The following CTNND2 variants were observed in gnomAD, a reference collection of about 807,000 sequenced individuals.
CTNND2 encodes catenin delta 2.
A neutral mutation model predicts 144.4 loss-of-function variants in CTNND2; 22 were observed. That is an observed-to-expected ratio of 0.15 (90% CI 0.11 to 0.22). CTNND2 has a LOEUF of 0.22. Ranked by LOEUF, CTNND2 falls within the 10% of genes least tolerant of loss-of-function variation. CTNND2 has a pLI of 1.00. For synonymous variants in CTNND2, 751 were observed against 695.6 expected, an observed-to-expected ratio of 1.08 and a Z score of -1.25; for missense variants, 1,353 against 1,618.8, an observed-to-expected ratio of 0.84 and a Z score of 2.82.
intron 20 of CTNND2, among the ~76,000 whole-genome samples, chr5:10,983,112 A>G (rs1012009452): frequency 1.7e-4 from 26 of 152,214 alleles, no homozygotes; most frequent in African/African-American, 5.8e-4. Context: ...ACCATAATTC[A>G]CAGTAATTTA....
chr5:11,116,798 C>T (rs1753589537), intron 13 of CTNND2, among the ~76,000 whole-genome samples: 1 of 152,118 alleles, frequency 6.6e-6, no homozygotes, highest in Non-Finnish European at 1.5e-5. Context: ...TGGCTCATGC[C>T]TGTAATCCCA....
At chr5:11,514,925 G>C (rs1772022784) in intron 3 of CTNND2, among the ~76,000 whole-genome samples, 2 of 152,076 alleles carry the variant, frequency 1.3e-5, no homozygotes, top group Non-Finnish European at 2.9e-5. Flanking sequence ...TCAGCCTCTT[G>C]AGTAGCTGGG....
Position 11,025,240 on chromosome 5 carries a change from C to T in CTNND2, c.2789-2261G>A, listed in dbSNP as rs58297836. Among the ~76,000 whole-genome samples the T allele has an allele frequency of 8.9e-3, 1,358 of 152,198 alleles. 22 individuals are homozygous for T. The highest frequency in any genetic ancestry group is 0.031 in the African/African-American group (1,289 of 41,522). On this transcript the variant is annotated intron_variant, in intron 16 of 21. Transcript: ENST00000304623. ...TATTATTCCACGGAGAAGAAAACCT[C>T]GGGGCAGTTTGTTAATTATTTTAAA...
chr5:10,973,220 G>A lies in CTNND2; in HGVS notation c.*233C>T. 4.1e-6 allele frequency: 2 copies of A among 482,932 alleles called. No individual in the cohort carries two copies. The highest frequency in any genetic ancestry group is 3.9e-5 in the Admixed American group (1 of 25,790). 29.9% of individuals were successfully genotyped at this position (482,932 alleles called of 1,614,324 possible). A position where few individuals can be genotyped will look rare whatever the true frequency, so the allele number is the denominator to read the frequency against. On this transcript the variant is annotated 3_prime_UTR_variant, in exon 22 of 22. Transcript: ENST00000304623. This position sits in a 1 kb window ranked among gnomAD's most constrained non-coding sequence, Gnocchi z 5.6. ...ACTCTACAGCTCACGCTAGAAAGGT[G>A]CTGCCCACTGTCATATTTAGGATCA...
chr5:11,283,420 A>C (rs567342911), intron 9 of CTNND2, among the ~76,000 whole-genome samples: 1 of 152,204 alleles, frequency 6.6e-6, no homozygotes, highest in East Asian at 1.9e-4. Context: ...TCACACCTGT[A>C]ATCTCAGCAC....
In CTNND2 at chr5:11,234,019, T is replaced by C. The variant is rs563118178; in HGVS notation, c.1761+2672A>G. ...GGAAGTGTTTGCAGCCTTTAGAAGGTAGCATGGAGGGCTGCCATCAATAAC... is the reference window on the plus strand; with the variant it reads ...GGAAGTGTTTGCAGCCTTTAGAAGGCAGCATGGAGGGCTGCCATCAATAAC... On this transcript the variant is annotated intron_variant, in intron 10 of 21. Transcript: ENST00000304623. Among the ~76,000 whole-genome samples, 20 of 152,126 alleles carry C rather than the reference T, an allele frequency of 1.3e-4. No individual in the cohort carries two copies. In the East Asian group the frequency reaches 3.7e-3, roughly 28 times the overall value.
chr5:11,032,207 A>G (rs1055229321), intron 16 of CTNND2, among the ~76,000 whole-genome samples: 3 of 152,200 alleles, frequency 2.0e-5, no homozygotes, highest in Admixed American at 6.5e-5. Flanking sequence ...CTTTTCATCA[A>G]TAATTGATGA....
At position 11,204,795 on chromosome 5, in the gene CTNND2, C is replaced by T. The variant is rs941757715; in HGVS notation, c.1762-5134G>A. On this transcript the variant is annotated intron_variant, in intron 10 of 21. Coordinates refer to ENST00000304623, the MANE Select transcript of CTNND2 (RefSeq NM_001332.4). ...AAACAGCTTGCAATAGAATTCCTCT[C>T]GGGAGGTATCTGTCTTTATTTAAAA... Among the ~76,000 whole-genome samples, 5 of 152,058 alleles carry T rather than the reference C, an allele frequency of 3.3e-5. 1 individual carries two copies. Among genetic ancestry groups the T allele is most frequent in the South Asian group, 4.2e-4 (2 of 4,802 alleles).
At chr5:11,225,231 T>G (rs989546315) in intron 10 of CTNND2, among the ~76,000 whole-genome samples, 1 of 152,216 alleles carries the variant, frequency 6.6e-6, no homozygotes, top group Non-Finnish European at 1.5e-5. Flanking sequence ...GGACGCATGT[T>G]CTAAGTCAGC....
chr5:10,976,376 A>G (rs560731667), intron 21 of CTNND2, among the ~76,000 whole-genome samples: 2 of 152,348 alleles, frequency 1.3e-5, no homozygotes, highest in South Asian at 2.1e-4. Context: ...TAAATGCATT[A>G]AAAATTGCAC....
chr5:11,690,461 A>T (rs1784846549), intron 2 of CTNND2, among the ~76,000 whole-genome samples: 1 of 152,172 alleles, frequency 6.6e-6, no homozygotes. Flanking sequence ...ACGATATTAG[A>T]GGCTCTCACT....
intron 20 of CTNND2, among the ~76,000 whole-genome samples, chr5:10,982,567 C>T (rs1328419730): frequency 1.3e-5 from 2 of 152,264 alleles, no homozygotes; most frequent in East Asian, 1.9e-4. Context: ...CAGGCCACCA[C>T]TCCCTTCACA....
Position 10,991,913 on chromosome 5 carries a change from T to TTTTA in CTNND2, c.3211+634_3211+637dup, listed in dbSNP as rs112831406. ...CAAAATGCAACTCAAACTATTTTTA[T>TTTTA]TTTATTTATTTATTTATTTATTGAG... On this transcript the variant is annotated intron_variant, in intron 19 of 21. Coordinates refer to ENST00000304623, the MANE Select transcript of CTNND2 (RefSeq NM_001332.4). 3.6e-3 allele frequency among the ~76,000 whole-genome samples: 541 copies of TTTTA among 152,256 alleles called. 2 individuals are homozygous for TTTTA. The highest frequency in any genetic ancestry group is 8.6e-3 in the African/African-American group (358 of 41,554).
chr5:11,160,534 ATATAT>A (rs1758667004), intron 11 of CTNND2, among the ~76,000 whole-genome samples: 1 of 152,250 alleles, frequency 6.6e-6, no homozygotes, highest in South Asian at 2.1e-4. Context: ...AACATTGCAT[ATATAT>A]TATAACATCA....
intron 11 of CTNND2, among the ~76,000 whole-genome samples, chr5:11,186,473 T>C (rs1254643879): frequency 6.6e-6 from 1 of 152,236 alleles, no homozygotes; most frequent in Non-Finnish European, 1.5e-5. Flanking sequence ...CACTGTAATA[T>C]GAGGTAACCT....
chr5:11,317,212 T>G (rs111696080), intron 9 of CTNND2, among the ~76,000 whole-genome samples: 2,280 of 152,280 alleles, frequency 0.015, 27 homozygotes, highest in South Asian at 0.046. Flanking sequence ...TCAATGAGAT[T>G]TGTTACCGAG....
chr5:11,783,485 C>T (rs754377851), intron 1 of CTNND2, among the ~76,000 whole-genome samples: 2 of 152,098 alleles, frequency 1.3e-5, no homozygotes, highest in South Asian at 2.1e-4. Context: ...TATGTGCTTC[C>T]GCATCGGGAT....
At chr5:11,759,774 T>C (rs1789153818) in intron 1 of CTNND2, among the ~76,000 whole-genome samples, 1 of 152,098 alleles carries the variant, frequency 6.6e-6, no homozygotes, top group African/African-American at 2.4e-5. Flanking sequence ...CAGTACTGAC[T>C]CAACTAATAC....
At chr5:11,434,966 T>C (rs1348575669) in intron 3 of CTNND2, among the ~76,000 whole-genome samples, 1 of 151,896 alleles carries the variant, frequency 6.6e-6, no homozygotes, top group African/African-American at 2.4e-5. Context: ...AAACAATAAT[T>C]GAAAAAATGC....
Sources: allele counts gnomAD v4.1 joint callset (sites outside exome capture counted in the v4.1 genomes callset), GRCh38; gene constraint gnomAD v4.1.1; non-coding constraint Gnocchi (gnomAD v3.1); transcripts MANE v1.5; gene names NCBI Gene and HGNC (gene_info 2026-07-23, HGNC 2026-07-21).